Variants in DTNBP1 observed in about 807,000 individuals in gnomAD.
The protein encoded by DTNBP1 is dysbindin.
DTNBP1 carries 35 observed loss-of-function variants against 42.8 expected under a neutral mutation model. That is an observed-to-expected ratio of 0.82 (90% CI 0.63 to 1.09). The LOEUF is 1.09. Among genes scored for constraint, DTNBP1 ranks in the 50% least tolerant of loss-of-function variants. The probability of loss-of-function intolerance (pLI) is 0.00; values close to 1 mark genes in which losing one functional copy is unlikely to be tolerated. For synonymous variants in DTNBP1, 171 were observed against 162.2 expected (o/e 1.05, Z -0.41); for missense variants, 457 against 424.2 (o/e 1.08, Z -0.68).
At chr6:15,661,061 A>G (rs951179894) in intron 1 of DTNBP1, among the ~76,000 whole-genome samples, 2 of 152,234 alleles carry the variant, frequency 1.3e-5, no homozygotes, top group African/African-American at 4.8e-5. Flanking sequence ...TCTAAACACC[A>G]AACTAACAAA....
chr6:15,588,262 A>G (rs1776159140), intron 7 of DTNBP1, among the ~76,000 whole-genome samples: 1 of 152,176 alleles, frequency 6.6e-6, no homozygotes, highest in Non-Finnish European at 1.5e-5. Context: ...TAGTTTCCCA[A>G]CTGATCTTTT....
At chr6:15,625,307 C>T (rs983456153) in intron 5 of DTNBP1, among the ~76,000 whole-genome samples, 1 of 152,102 alleles carries the variant, frequency 6.6e-6, no homozygotes, top group Non-Finnish European at 1.5e-5. Flanking sequence ...CTAAAAAGAG[C>T]TCAATATCGG....
intron 7 of DTNBP1, among the ~76,000 whole-genome samples, chr6:15,546,342 G>A (rs1305837003): frequency 2.6e-5 from 4 of 151,984 alleles, no homozygotes; most frequent in Admixed American, 1.3e-4. Context: ...TGGGTTTACA[G>A]GTGTGAGCCA....
chr6:15,561,876 G>T (rs777175023), intron 7 of DTNBP1, among the ~76,000 whole-genome samples: 8 of 152,206 alleles, frequency 5.3e-5, no homozygotes, highest in Non-Finnish European at 8.8e-5. Flanking sequence ...GGTGATGGAA[G>T]GGACCTCTGG....
intron 3 of DTNBP1, among the ~76,000 whole-genome samples, chr6:15,642,335 G>A (rs1238430689): frequency 7.9e-5 from 12 of 152,146 alleles, no homozygotes; most frequent in Admixed American, 7.2e-4. Context: ...ATAGGAAGTG[G>A]ATCACGTTCC....
intron 7 of DTNBP1, among the ~76,000 whole-genome samples, chr6:15,545,283 C>G (rs1442109403): frequency 6.6e-6 from 1 of 152,124 alleles, no homozygotes; most frequent in African/African-American, 2.4e-5. Context: ...AGTTTTATAT[C>G]CAGCCTTCAT....
rs747886064 is a variant in DTNBP1 at position 15,533,373 on chromosome 6, G to T, written c.534C>A (p.Ala178=). 6.2e-7 allele frequency: 1 copy of T among 1,614,202 alleles called. No homozygotes were observed. Among genetic ancestry groups the T allele is most frequent in the Non-Finnish European group, 8.5e-7 (1 of 1,180,038 alleles). Reference sequence around the variant, plus strand: ...TGTGCTCCATTTCCAGGACCTTCTGGGCGTGCTCTGCATCTAGTTCAGCTG... The same window carrying T: ...TGTGCTCCATTTCCAGGACCTTCTGTGCGTGCTCTGCATCTAGTTCAGCTG... ...TFKAELDAEH[A]QKVLEMEHTQ... The change falls in exon 8 of 10, where the codon GCC becomes GCA. Residue 178 remains alanine (A), a synonymous_variant. Coordinates refer to ENST00000344537, the MANE Select transcript of DTNBP1 (RefSeq NM_032122.5).
At chr6:15,623,578 A>C (rs1759164710) in intron 5 of DTNBP1, among the ~76,000 whole-genome samples, 1 of 152,152 alleles carries the variant, frequency 6.6e-6, no homozygotes, top group Admixed American at 6.5e-5. Flanking sequence ...TTTAAAACAA[A>C]AACAAAACCC....
intron 7 of DTNBP1, among the ~76,000 whole-genome samples, chr6:15,559,604 G>A (rs1774726663): frequency 6.6e-6 from 1 of 152,130 alleles, no homozygotes; most frequent in African/African-American, 2.4e-5. Context: ...TGCACTATAG[G>A]TTTCTGAATC....
chr6:15,631,828 C>A (rs567639358), intron 4 of DTNBP1, among the ~76,000 whole-genome samples: 1 of 152,312 alleles, frequency 6.6e-6, no homozygotes, highest in East Asian at 1.9e-4. Flanking sequence ...TTAACTTCTA[C>A]TTAATGCCAA....
intron 5 of DTNBP1, among the ~76,000 whole-genome samples, chr6:15,620,251 A>G (rs920296696): frequency 1.3e-5 from 2 of 152,240 alleles, no homozygotes; most frequent in Non-Finnish European, 2.9e-5. Flanking sequence ...AATTTGTAAA[A>G]TCTAAATTTT....
At chr6:15,624,593 T>C (rs1278885600) in intron 5 of DTNBP1, among the ~76,000 whole-genome samples, 2 of 151,826 alleles carry the variant, frequency 1.3e-5, no homozygotes, top group African/African-American at 4.8e-5. Flanking sequence ...ACCAAAAGAG[T>C]GAAGCAGCCT....
At chr6:15,571,608 T>C (rs775357054) in intron 7 of DTNBP1, among the ~76,000 whole-genome samples, 2 of 152,206 alleles carry the variant, frequency 1.3e-5, no homozygotes, top group African/African-American at 4.8e-5. Context: ...GACTGAAGGA[T>C]GTCCAATGCA....
chr6:15,641,257 G>C (rs913990539), intron 3 of DTNBP1, among the ~76,000 whole-genome samples: 2 of 152,116 alleles, frequency 1.3e-5, no homozygotes, highest in African/African-American at 2.4e-5. Context: ...GGCTTACTAG[G>C]AATATCAAAA....
At chr6:15,524,981 G>C (rs999631180) in intron 8 of DTNBP1, among the ~76,000 whole-genome samples, 2 of 152,250 alleles carry the variant, frequency 1.3e-5, no homozygotes, top group African/African-American at 4.8e-5. Flanking sequence ...CTGTCTCAAA[G>C]AGGCCAACAT....
chr6:15,614,794 A>G (rs1237951964), intron 6 of DTNBP1, among the ~76,000 whole-genome samples: 1 of 152,256 alleles, frequency 6.6e-6, no homozygotes, highest in African/African-American at 2.4e-5. Flanking sequence ...TAAATCAGTG[A>G]CATTGAGGCC....
At chr6:15,609,056 A>G (rs1356411233) in intron 6 of DTNBP1, among the ~76,000 whole-genome samples, 1 of 152,064 alleles carries the variant, frequency 6.6e-6, no homozygotes, top group Admixed American at 6.6e-5. Context: ...GTACTCAAAC[A>G]TGGGACTTAT....
intron 7 of DTNBP1, among the ~76,000 whole-genome samples, chr6:15,551,972 A>C (rs181862287): frequency 1.4e-3 from 215 of 152,342 alleles, no homozygotes; most frequent in Non-Finnish European, 2.4e-3. Context: ...AGCTCAGGAA[A>C]CAGCAGCACA....
chr6:15,639,926 A>T lies in DTNBP1; in HGVS notation c.162-2122T>A, dbSNP rs532255473. Among the ~76,000 whole-genome samples the T allele has an allele frequency of 5.5e-4, 84 of 152,254 alleles. 2 individuals carry two copies. In the South Asian group the frequency reaches 0.017, roughly 31 times the overall value. Reference sequence around the variant, plus strand: ...TAGACTCCAGATCACTTTTCCTAACATCTCACCATTTCCTTTTCTCCCCGT... The same window carrying T: ...TAGACTCCAGATCACTTTTCCTAACTTCTCACCATTTCCTTTTCTCCCCGT... On this transcript the variant is annotated intron_variant, in intron 3 of 9. Coordinates refer to ENST00000344537, the MANE Select transcript of DTNBP1 (RefSeq NM_032122.5).
Sources: gnomAD v4.1 joint callset for allele counts (sites outside exome capture counted in the v4.1 genomes callset) on GRCh38, gnomAD v4.1.1 for gene constraint, MANE v1.5 for transcripts, NCBI Gene and HGNC (gene_info 2026-07-23, HGNC 2026-07-21) for gene names.